Variants in MOB2 observed in about 807,000 individuals in gnomAD.
The protein encoded by MOB2 is MOB2 Mps One Binder homolog.
MOB2 carries 14 observed loss-of-function variants against 27.4 expected under a neutral mutation model. The observed-to-expected ratio is 0.51, with a 90% confidence interval of 0.34 to 0.80. The LOEUF (loss-of-function observed/expected upper bound fraction) is 0.80. Ranked by LOEUF, MOB2 falls within the 30% of genes least tolerant of loss-of-function variation. MOB2 has a pLI of 0.01. For synonymous variants in MOB2, 167 were observed against 151.8 expected, an observed-to-expected ratio of 1.10 and a Z score of -0.74; for missense variants, 304 against 354.6, an observed-to-expected ratio of 0.86 and a Z score of 1.15.
chr11:1,473,783 C>T (rs115829285), intron 3 of MOB2, among the ~76,000 whole-genome samples: 2,706 of 152,322 alleles, frequency 0.018, 77 homozygotes, highest in African/African-American at 0.061. Flanking sequence ...TGTGGACTCA[C>T]GCATTCATAA....
intron 1 of MOB2, chr11:1,481,715 CAGGGGCAGGGGCAGGGGCAGGGGCAGGG>C (rs1306171809): frequency 0.019 from 90 of 4,800 alleles, 3 homozygotes; most frequent in South Asian, 0.025. Context: ...GGGGCAGGAG[CAGGGGCAGGGGCAGGGGCAGGGGCAGGG>C]AGGGGCAGGG....
chr11:1,472,622 G>A (rs76629325), intron 3 of MOB2: 2,495 of 152,482 alleles, frequency 0.016, 104 homozygotes, highest in East Asian at 0.14. Context: ...GGGTGGGGCA[G>A]TGCTGAAAAG....
chr11:1,480,653 G>T (rs1265162791), intron 2 of MOB2, 72 bp downstream of exon 2: 6 of 1,560,718 alleles, frequency 3.8e-6, no homozygotes, highest in African/African-American at 1.4e-5. Flanking sequence ...AGCCGTGGGG[G>T]TCCCCCTTGA....
chr11:1,481,785 C>A (rs948705095), intron 1 of MOB2, among the ~76,000 whole-genome samples: 2 of 150,958 alleles, frequency 1.3e-5, no homozygotes, highest in African/African-American at 4.9e-5. Flanking sequence ...GGCAGGGCCC[C>A]TGGGCCCTGG....
chr11:1,481,027 A>G, intron 1 of MOB2, 142 bp from the exon 2 acceptor site: 1 of 1,043,668 alleles, frequency 9.6e-7, no homozygotes, highest in South Asian at 1.6e-5. Context: ...CCAGGCTCAA[A>G]GGACACCAAC....
chr11:1,474,894 C>G (rs1847836038), intron 3 of MOB2, among the ~76,000 whole-genome samples: 1 of 152,108 alleles, frequency 6.6e-6, no homozygotes, highest in Non-Finnish European at 1.5e-5. Context: ...CTTATTTTTT[C>G]AAAATCATTG....
intron 1 of MOB2, among the ~76,000 whole-genome samples, chr11:1,482,070 G>GT (rs1338264383): frequency 6.6e-6 from 1 of 152,190 alleles, no homozygotes; most frequent in African/African-American, 2.4e-5. Context: ...CCACCGGCAG[G>GT]TGGGCCTGCA....
Position 1,470,016 on chromosome 11 carries a change from C to T in MOB2, c.*156G>A. ...GGCCACAGGACACGGCCGGGGCCGT[C>T]TGCGTCTGTGCCTGTGCAGCCCACA... On this transcript the variant is annotated 3_prime_UTR_variant, in exon 5 of 5. Coordinates refer to ENST00000329957, the MANE Select transcript of MOB2 (RefSeq NM_001172223.3). The T allele has an allele frequency of 6.5e-7, 1 of 1,530,994 alleles. No homozygotes were observed. 94.8% of individuals were successfully genotyped at this position (1,530,994 alleles called of 1,614,324 possible). A position where few individuals can be genotyped will look rare whatever the true frequency, so the allele number is the denominator to read the frequency against.
At chr11:1,481,308 C>G (rs1416773004) in intron 1 of MOB2, 1 of 255,236 alleles carries the variant, frequency 3.9e-6, no homozygotes, top group Non-Finnish European at 8.0e-6. Flanking sequence ...TGTCCCTGCC[C>G]CTGCCGCTGG....
intron 3 of MOB2, among the ~76,000 whole-genome samples, chr11:1,478,269 A>G (rs890528228): frequency 1.1e-4 from 17 of 152,252 alleles, no homozygotes; most frequent in African/African-American, 3.9e-4. Context: ...CTGCACAGGC[A>G]CTGCCGGACA....
At position 1,478,023 on chromosome 11, in the gene MOB2, G is replaced by A. The variant is rs183577723; in HGVS notation, c.365+2370C>T. Among the ~76,000 whole-genome samples the A allele has an allele frequency of 1.4e-3, 216 of 152,318 alleles. 1 individual carries two copies. The highest frequency in any genetic ancestry group is 1.9e-3 in the Non-Finnish European group (130 of 68,036). ...AAATTTACCTATTCTGATTCTGACT[G>A]CGTCTCTTCACATAAGCTCTGCAAG... On this transcript the variant is annotated intron_variant, in intron 3 of 4. Coordinates refer to ENST00000329957, the MANE Select transcript of MOB2 (RefSeq NM_001172223.3).
Position 1,469,989 on chromosome 11 carries a change from G to C in MOB2, c.*183C>G. ...CAAACGGCACGCATCCATCCGACAGGGGGCCACAGGACACGGCCGGGGCCG... is the reference window on the plus strand; with the variant it reads ...CAAACGGCACGCATCCATCCGACAGCGGGCCACAGGACACGGCCGGGGCCG... On this transcript the variant is annotated 3_prime_UTR_variant, in exon 5 of 5. Coordinates refer to ENST00000329957, the MANE Select transcript of MOB2 (RefSeq NM_001172223.3). 6.8e-7 allele frequency: 1 copy of C among 1,473,920 alleles called. No homozygotes were observed. The highest frequency in any genetic ancestry group is 2.0e-5 in the Admixed American group (1 of 50,912). 91.3% of individuals were successfully genotyped at this position (1,473,920 alleles called of 1,614,324 possible). A position where few individuals can be genotyped will look rare whatever the true frequency, so the allele number is the denominator to read the frequency against.
intron 3 of MOB2, among the ~76,000 whole-genome samples, chr11:1,479,422 C>A (rs570194882): frequency 1.3e-5 from 2 of 152,252 alleles, no homozygotes; most frequent in Admixed American, 6.5e-5. Context: ...GGCTGTGACA[C>A]CTCATTTTCC....
rs375055488 is a variant in MOB2, at chr11:1,470,211, G to A, written c.768C>T (p.Ser256=). 1.7e-5 allele frequency: 28 copies of A among 1,611,150 alleles called. No individual in the cohort carries two copies. The highest frequency in any genetic ancestry group is 2.7e-5 in the African/African-American group (2 of 75,020). The change falls in exon 5 of 5, where the codon AGC becomes AGT. Residue 256 remains serine (S), a synonymous_variant. Coordinates refer to ENST00000329957, the MANE Select transcript of MOB2 (RefSeq NM_001172223.3). ...CGTGGTTCTGTGCTCCCGGGCCCCC[G>A]CTGCCGGCCCCATCCCCACTGCCCC... is the stretch of plus-strand genomic sequence containing the variant. ...HSGGSGDGAG[S]GGPGAQNHVK...
chr11:1,480,744 G>A lies in MOB2; in HGVS notation c.252C>T (p.Asn84=), dbSNP rs773478617. The stretch of plus-strand genomic sequence containing the variant: ...GCGCACTGTTGCTGGCCAGCCACTC[G>A]TTAAGGTCAATCTCGCGGGGCAGCA... ...LVVLPREIDL[N]EWLASNTTTF... The change falls in exon 2 of 5, where the codon AAC becomes AAT. Residue 84 remains asparagine (N), a synonymous_variant. Coordinates refer to ENST00000329957, the MANE Select transcript of MOB2 (RefSeq NM_001172223.3). 4.4e-6 allele frequency: 7 copies of A among 1,606,750 alleles called. No individual in the cohort carries two copies. Among genetic ancestry groups the A allele is most frequent in the African/African-American group, 4.0e-5 (3 of 74,824 alleles).
At chr11:1,477,229 C>T (rs10430937) in intron 3 of MOB2, among the ~76,000 whole-genome samples, 45,892 of 152,078 alleles carry the variant, frequency 0.3, 7,671 homozygotes, top group East Asian at 0.63. Context: ...TGTTGTCTGG[C>T]GCACACACAT....
At chr11:1,473,587 G>C (rs1306446598) in intron 3 of MOB2, among the ~76,000 whole-genome samples, 2 of 152,226 alleles carry the variant, frequency 1.3e-5, no homozygotes, top group African/African-American at 2.4e-5. Context: ...GTGTGCGACA[G>C]GTCTCAAAAC....
chr11:1,477,564 C>T (rs1590764339), intron 3 of MOB2, among the ~76,000 whole-genome samples: 1 of 152,158 alleles, frequency 6.6e-6, no homozygotes, highest in South Asian at 2.1e-4. Context: ...CTGGTGGCTC[C>T]GTCGCCCTGC....
intron 1 of MOB2, 107 bp downstream of exon 1, chr11:1,486,340 A>G: frequency 1.2e-6 from 1 of 839,614 alleles, no homozygotes; most frequent in South Asian, 1.6e-5. Flanking sequence ...GAGGGCAGCC[A>G]CGGACACAGT....
Sources: gnomAD v4.1 joint callset for allele counts (sites outside exome capture counted in the v4.1 genomes callset) on GRCh38, gnomAD v4.1.1 for gene constraint, MANE v1.5 for transcripts, NCBI Gene and HGNC (gene_info 2026-07-23, HGNC 2026-07-21) for gene names.